Variants in RBFOX1 observed in about 807,000 individuals in gnomAD.
RBFOX1 encodes the protein RNA binding fox-1 homolog 1, also known as RNA binding protein fox-1 homolog 1.
RBFOX1 carries 8 observed loss-of-function variants against 57.7 expected under a neutral mutation model. That is an observed-to-expected ratio of 0.14 (90% CI 0.08 to 0.25). RBFOX1 has a LOEUF of 0.25. Ranked by LOEUF, RBFOX1 falls within the 10% of genes least tolerant of loss-of-function variation. The probability of loss-of-function intolerance (pLI) is 1.00; values close to 1 mark genes in which losing one functional copy is unlikely to be tolerated. For synonymous variants in RBFOX1, 326 were observed against 222.4 expected (o/e 1.47, Z -4.15); for missense variants, 611 against 548.5 (o/e 1.11, Z -1.14).
chr16:5,702,183 G>A (rs1261600260), intron 3 of RBFOX1, among the ~76,000 whole-genome samples: 1 of 152,196 alleles, frequency 6.6e-6, no homozygotes, highest in Non-Finnish European at 1.5e-5. Context: ...CATTGACTCA[G>A]TTCCACAGGC....
intron 3 of RBFOX1, among the ~76,000 whole-genome samples, chr16:5,617,370 C>G (rs1377678996): frequency 6.6e-6 from 1 of 152,174 alleles, no homozygotes; most frequent in African/African-American, 2.4e-5. Flanking sequence ...TTTTCTGGCT[C>G]AGTCTTCTCT....
intron 4 of RBFOX1, among the ~76,000 whole-genome samples, chr16:5,993,978 G>A (rs112165374): frequency 4.6e-5 from 7 of 152,232 alleles, no homozygotes; most frequent in South Asian, 2.1e-4. Flanking sequence ...ATGTTGGCAC[G>A]TATGGGACGG....
intron 1 of RBFOX1, among the ~76,000 whole-genome samples, chr16:6,238,035 A>G (rs971067774): frequency 6.6e-6 from 1 of 150,540 alleles, no homozygotes; most frequent in Non-Finnish European, 1.5e-5. Context: ...AGATTGCAGT[A>G]AGCTGAAATC....
At position 7,653,852 on chromosome 16, in the gene RBFOX1, C is replaced by T. The variant is rs376576588; in HGVS notation, c.795C>T (p.Ala265=). 425 of 1,606,454 alleles carry T rather than the reference C, an allele frequency of 2.6e-4. No homozygotes were observed. Among genetic ancestry groups the T allele is most frequent in the Non-Finnish European group, 3.5e-4 (408 of 1,179,586 alleles). ...GFPYPAATAA[A]AYRGAHLRGR... ...CGTATCCAGCAGCCACCGCCGCGGC[C>T]GCCTACCGAGGGGCGCACCTGCGAG... The change falls in exon 12 of 16, where the codon GCC becomes GCT. Residue 265 remains alanine, a synonymous_variant. Transcript: ENST00000550418.
At chr16:6,707,398 C>T (rs114517177) in intron 3 of RBFOX1, among the ~76,000 whole-genome samples, 18 of 151,392 alleles carry the variant, frequency 1.2e-4, no homozygotes, top group Admixed American at 2.6e-4. Flanking sequence ...GGAAATCATA[C>T]GTTAACAGCT....
rs1015708756 is a variant in RBFOX1, at chr16:6,810,534, C to CT, written c.-16+155893dup. On this transcript the variant is annotated intron_variant, in intron 3 of 15. Coordinates refer to ENST00000550418, the MANE Select transcript of RBFOX1 (RefSeq NM_018723.4). ...TCCCCATATGCCCCTCCAAAAACCT[C>CT]TTTTTTTTTCCTTAAGTTAGCCAGT... Among the ~76,000 whole-genome samples the CT allele has an allele frequency of 5.2e-4, 78 of 151,456 alleles. 1 individual carries two copies. The highest frequency in any genetic ancestry group is 1.3e-3 in the South Asian group (6 of 4,782).
intron 3 of RBFOX1, among the ~76,000 whole-genome samples, chr16:5,749,342 T>C (rs993980874): frequency 6.6e-6 from 1 of 152,178 alleles, no homozygotes; most frequent in African/African-American, 2.4e-5. Flanking sequence ...AATTTATTTG[T>C]CTTGGAGTTG....
chr16:5,819,764 C>G (rs1370781040), intron 3 of RBFOX1, among the ~76,000 whole-genome samples: 2 of 152,178 alleles, frequency 1.3e-5, no homozygotes, highest in African/African-American at 2.4e-5. Context: ...GCTTTAGTTT[C>G]TTTCAACAAA....
chr16:6,422,767 A>G (rs900553212), intron 2 of RBFOX1, among the ~76,000 whole-genome samples: 1 of 152,136 alleles, frequency 6.6e-6, no homozygotes, highest in Non-Finnish European at 1.5e-5. Flanking sequence ...ATCATTCCTG[A>G]TAAATCCACC....
In RBFOX1 at chr16:7,688,221, A is replaced by ATGTGTGTGTGTGTGTGTGTG. The variant is rs3029191; in HGVS notation, c.995+11404_995+11423dup. Among the ~76,000 whole-genome samples the ATGTGTGTGTGTGTGTGTGTG allele has an allele frequency of 2.5e-5, 3 of 120,944 alleles. No individual in the cohort carries two copies. In the Admixed American group the frequency reaches 2.6e-4, roughly 10 times the overall value. 79.3% of individuals were successfully genotyped at this position (120,944 alleles called of 152,430 possible). Reference sequence around the variant, plus strand: ...TAGTAGGCATCCTTGGCAGGTTTAAATGTGTGTGTGTGTGTGTGTGTGTGT... The same window carrying ATGTGTGTGTGTGTGTGTGTG: ...TAGTAGGCATCCTTGGCAGGTTTAAATGTGTGTGTGTGTGTGTGTGTGTGTGTGTGTGTGTGTGTGTGTGT... On this transcript the variant is annotated intron_variant, in intron 14 of 15. Transcript: ENST00000550418.
chr16:7,073,803 G>T (rs953968446), intron 4 of RBFOX1, among the ~76,000 whole-genome samples: 1 of 152,110 alleles, frequency 6.6e-6, no homozygotes, highest in African/African-American at 2.4e-5. Flanking sequence ...GTCAGAGTGA[G>T]CTGTGATTTC....
intron 1 of RBFOX1, among the ~76,000 whole-genome samples, chr16:6,058,071 G>A (rs569208952): frequency 3.3e-5 from 5 of 152,170 alleles, no homozygotes; most frequent in South Asian, 2.1e-4. Context: ...AGGAGCAAAC[G>A]CAGACACACG....
intron 1 of RBFOX1, among the ~76,000 whole-genome samples, chr16:6,131,679 C>G (rs759201249): frequency 3.9e-5 from 6 of 152,206 alleles, no homozygotes; most frequent in Non-Finnish European, 7.3e-5. Context: ...AGGTATTTTA[C>G]TGACTAATCT....
At chr16:7,510,687 C>T (rs966184009) in intron 4 of RBFOX1, among the ~76,000 whole-genome samples, 4 of 152,182 alleles carry the variant, frequency 2.6e-5, no homozygotes, top group African/African-American at 9.7e-5. Flanking sequence ...TCTGAATATG[C>T]GCGATTTCTT....
chr16:7,700,498 C>A (rs1016254857), intron 14 of RBFOX1, among the ~76,000 whole-genome samples: 1 of 152,298 alleles, frequency 6.6e-6, no homozygotes, highest in Non-Finnish European at 1.5e-5. Flanking sequence ...TTGAAAATCT[C>A]ATAAGGGATA....
intron 4 of RBFOX1, among the ~76,000 whole-genome samples, chr16:7,250,863 T>C (rs559119362): frequency 2.0e-5 from 3 of 152,254 alleles, no homozygotes; most frequent in South Asian, 2.1e-4. Context: ...GGTGATTCTT[T>C]AAAAAAATAA....
intron 1 of RBFOX1, among the ~76,000 whole-genome samples, chr16:6,245,565 C>A (rs2097564586): frequency 6.6e-6 from 1 of 152,072 alleles, no homozygotes; most frequent in Admixed American, 6.6e-5. Context: ...TACGGTTGGA[C>A]CTGTTTCTTT....
intron 1 of RBFOX1, among the ~76,000 whole-genome samples, chr16:6,260,706 C>T (rs2073987186): frequency 6.6e-6 from 1 of 152,066 alleles, no homozygotes; most frequent in South Asian, 2.1e-4. Context: ...GGTGAAACCC[C>T]ATCTGTACTA....
chr16:6,599,521 C>G (rs1312852984), intron 2 of RBFOX1, among the ~76,000 whole-genome samples: 1 of 152,196 alleles, frequency 6.6e-6, no homozygotes, highest in Non-Finnish European at 1.5e-5. Context: ...GTGAGAGAAT[C>G]TAGTGGCTAG....
Sources: gnomAD v4.1 joint callset for allele counts (sites outside exome capture counted in the v4.1 genomes callset) on GRCh38, gnomAD v4.1.1 for gene constraint, MANE v1.5 for transcripts, NCBI Gene and HGNC (gene_info 2026-07-23, HGNC 2026-07-21) for gene names.